The following PTPRD variants were observed in gnomAD, a reference collection of about 807,000 sequenced individuals.
PTPRD encodes the protein protein tyrosine phosphatase receptor type D.
In PTPRD, 34 loss-of-function variants were observed where a neutral mutation model predicts 214.5. The ratio of observed to expected loss-of-function variants is 0.16; its 90% CI spans 0.12 to 0.21. The LOEUF is 0.21. Among genes scored for constraint, PTPRD ranks in the 10% least tolerant of loss-of-function variants. The pLI is 1.00. For missense variants in PTPRD, 2,545 were observed against 2,398.7 expected, an observed-to-expected ratio of 1.06 and a Z score of -1.27; for synonymous variants, 1,128 against 845.7, an observed-to-expected ratio of 1.33 and a Z score of -5.79.
intron 11 of PTPRD, among the ~76,000 whole-genome samples, chr9:8,777,703 A>G (rs576189111): frequency 2.0e-5 from 3 of 152,280 alleles, no homozygotes; most frequent in African/African-American, 7.2e-5. Context: ...GTGATAAAAG[A>G]GAGCTGGTCA....
intron 3 of PTPRD, among the ~76,000 whole-genome samples, chr9:10,216,805 C>T (rs2099543422): frequency 6.6e-6 from 1 of 151,976 alleles, no homozygotes; most frequent in African/African-American, 2.4e-5. Context: ...TGCAACACTT[C>T]TATCTCTTTC....
chr9:10,141,219 C>T (rs1295064139), intron 3 of PTPRD, among the ~76,000 whole-genome samples: 2 of 152,032 alleles, frequency 1.3e-5, no homozygotes, highest in Non-Finnish European at 2.9e-5. Context: ...CTCACCACTC[C>T]TATTCAACAT....
At chr9:9,372,476 C>T (rs993320731) in intron 9 of PTPRD, among the ~76,000 whole-genome samples, 5 of 152,050 alleles carry the variant, frequency 3.3e-5, no homozygotes, top group Non-Finnish European at 7.4e-5. Flanking sequence ...GTAGATCTTC[C>T]TCCATCCCTT....
intron 2 of PTPRD, among the ~76,000 whole-genome samples, chr9:10,370,212 T>C (rs916121520): frequency 2.6e-5 from 4 of 152,070 alleles, no homozygotes; most frequent in African/African-American, 4.8e-5. Context: ...ACAGTTCTTA[T>C]GTTGAAAAGC....
intron 7 of PTPRD, among the ~76,000 whole-genome samples, chr9:9,727,837 G>C (rs75974689): frequency 1.3e-5 from 2 of 152,076 alleles, no homozygotes; most frequent in African/African-American, 4.8e-5. Context: ...TCTCAAGTTG[G>C]GTTGAACTCC....
intron 7 of PTPRD, among the ~76,000 whole-genome samples, chr9:9,616,972 T>C (rs959314090): frequency 6.6e-6 from 1 of 152,174 alleles, no homozygotes. Context: ...CCCTTTACTC[T>C]GTGGGCTAAC....
chr9:9,922,479 G>C (rs189511897), intron 5 of PTPRD, among the ~76,000 whole-genome samples: 117 of 152,094 alleles, frequency 7.7e-4, no homozygotes, highest in African/African-American at 2.8e-3. Context: ...TATGAATGAA[G>C]AGCCACAGAT....
chr9:9,088,382 C>A (rs1438952440), intron 10 of PTPRD, among the ~76,000 whole-genome samples: 1 of 151,392 alleles, frequency 6.6e-6, no homozygotes, highest in East Asian at 2.0e-4. Flanking sequence ...GAGGTTGAGA[C>A]TAGCCTGACC....
rs1164243746 is a variant in PTPRD at position 10,050,559 on chromosome 9, CAAAAAAAAAAAAAA to C, written c.-544-16783_-544-16770del. On this transcript the variant is annotated intron_variant, in intron 3 of 45. Transcript: ENST00000381196. ...TGGGCAATAAAGAGAGAGTCTGTCT[CAAAAAAAAAAAAAA>C]AAAAAAAAAAAAAAAAAGACTATGT... 7.4e-3 allele frequency among the ~76,000 whole-genome samples: 104 copies of C among 13,996 alleles called. 2 individuals are homozygous for C. Among genetic ancestry groups the C allele is most frequent in the South Asian group, 0.03 (7 of 234 alleles). The allele number at this position is 13,996 out of a possible 152,430, so 9.2% of individuals were successfully genotyped here. A position where few individuals can be genotyped will look rare whatever the true frequency, so the allele number is the denominator to read the frequency against.
At chr9:9,768,615 T>C (rs1290680008) in intron 5 of PTPRD, among the ~76,000 whole-genome samples, 1 of 152,218 alleles carries the variant, frequency 6.6e-6, no homozygotes, top group Non-Finnish European at 1.5e-5. Context: ...TTTTAAATTC[T>C]TCCTAATAGC....
chr9:10,241,058 A>G (rs2090943965), intron 3 of PTPRD, among the ~76,000 whole-genome samples: 1 of 151,838 alleles, frequency 6.6e-6, no homozygotes, highest in Non-Finnish European at 1.5e-5. Context: ...ACATTTCACC[A>G]AAAATATCTA....
At chr9:10,367,647 G>C (rs1056569274) in intron 2 of PTPRD, among the ~76,000 whole-genome samples, 1 of 152,102 alleles carries the variant, frequency 6.6e-6, no homozygotes, top group Non-Finnish European at 1.5e-5. Context: ...ATGAGAAGGC[G>C]GGGAGAAGAG....
intron 5 of PTPRD, among the ~76,000 whole-genome samples, chr9:9,823,625 G>C (rs1163506626): frequency 6.6e-6 from 1 of 152,060 alleles, no homozygotes; most frequent in African/African-American, 2.4e-5. Flanking sequence ...AAATAATCCA[G>C]TTACAGAAAG....
intron 8 of PTPRD, among the ~76,000 whole-genome samples, chr9:9,405,845 T>C (rs895386389): frequency 1.3e-5 from 2 of 152,014 alleles, no homozygotes; most frequent in East Asian, 1.9e-4. Context: ...GGAATGTGTA[T>C]TGATGTTTGT....
At chr9:10,145,196 C>T (rs1175718762) in intron 3 of PTPRD, among the ~76,000 whole-genome samples, 1 of 152,038 alleles carries the variant, frequency 6.6e-6, no homozygotes, top group Non-Finnish European at 1.5e-5. Flanking sequence ...CATAAAAATT[C>T]ATTTAGGACC....
chr9:9,863,519 T>G (rs1278984974), intron 5 of PTPRD, among the ~76,000 whole-genome samples: 1 of 152,190 alleles, frequency 6.6e-6, no homozygotes, highest in Non-Finnish European at 1.5e-5. Flanking sequence ...ATTGATCTCA[T>G]GTCCAGAGAC....
chr9:9,820,431 T>C (rs2050311245), intron 5 of PTPRD, among the ~76,000 whole-genome samples: 1 of 152,092 alleles, frequency 6.6e-6, no homozygotes, highest in Admixed American at 6.6e-5. Flanking sequence ...TCATTTTGTA[T>C]GTTGTCTGTT....
At chr9:8,407,741 T>C (rs2093138492) in intron 35 of PTPRD, among the ~76,000 whole-genome samples, 1 of 152,214 alleles carries the variant, frequency 6.6e-6, no homozygotes, top group Non-Finnish European at 1.5e-5. Flanking sequence ...CTTACGTTTA[T>C]ACTCGTTTTA....
chr9:8,465,307 T>C (rs770475257), intron 32 of PTPRD, among the ~76,000 whole-genome samples, 159 bp downstream of exon 32: 3 of 151,884 alleles, frequency 2.0e-5, no homozygotes, highest in South Asian at 2.1e-4. Context: ...AAGGAGTATA[T>C]TGAGCAATGT....
Sources: allele counts gnomAD v4.1 joint callset (sites outside exome capture counted in the v4.1 genomes callset), GRCh38; gene constraint gnomAD v4.1.1; transcripts MANE v1.5; gene names NCBI Gene and HGNC (gene_info 2026-07-23, HGNC 2026-07-21).